Variants in MAOA observed in about 807,000 individuals in gnomAD.
The protein encoded by MAOA is monoamine oxidase A.
Under a neutral mutation model 42.0 loss-of-function variants are expected in MAOA, and 6 were observed. The observed-to-expected ratio is 0.14, with a 90% CI of 0.08 to 0.28. The LOEUF is 0.28. Ranked by LOEUF, MAOA falls within the 10% of genes least tolerant of loss-of-function variation. MAOA has a pLI of 1.00. For missense variants in MAOA, 262 were observed against 422.3 expected (o/e 0.62, Z 3.33); for synonymous variants, 140 against 154.0 (o/e 0.91, Z 0.67).
intron 9 of MAOA, 54 bp downstream of exon 9, chrX:43,732,849 T>C (rs2033893247): frequency 3.8e-6 from 3 of 790,833 alleles, no homozygotes; most frequent in Non-Finnish European, 5.9e-6. Flanking sequence ...TGTATTGGTG[T>C]GGATGCTGTC....
intron 1 of MAOA, among the ~76,000 whole-genome samples, chrX:43,671,271 C>G (rs2033331527): frequency 9.6e-6 from 1 of 104,446 alleles, no homozygotes; most frequent in East Asian, 3.1e-4. Context: ...TGTCCTTCAC[C>G]CACTTTTTGA....
intron 1 of MAOA, among the ~76,000 whole-genome samples, chrX:43,674,638 C>T (rs1377768134): frequency 9.0e-6 from 1 of 111,047 alleles, no homozygotes; most frequent in Non-Finnish European, 1.9e-5. Flanking sequence ...TTAGGGCAGG[C>T]CTGGTGGTGA....
intron 6 of MAOA, among the ~76,000 whole-genome samples, chrX:43,730,837 C>T (rs2147102665): frequency 9.0e-6 from 1 of 110,988 alleles, no homozygotes; most frequent in South Asian, 3.9e-4. Flanking sequence ...GCCCAGAACA[C>T]AGGAATCAAA....
intron 1 of MAOA, among the ~76,000 whole-genome samples, chrX:43,659,954 G>T (rs1266274187): frequency 4.5e-5 from 5 of 110,905 alleles, no homozygotes; most frequent in Non-Finnish European, 1.9e-5. Context: ...TAAGGGATAC[G>T]ACTGCAATTT....
intron 2 of MAOA, among the ~76,000 whole-genome samples, chrX:43,685,525 G>A (rs996015861): frequency 9.0e-6 from 1 of 111,699 alleles, no homozygotes; most frequent in Non-Finnish European, 1.9e-5. Flanking sequence ...TCATAGCAGC[G>A]ATTTCAGCCA....
intron 10 of MAOA, among the ~76,000 whole-genome samples, chrX:43,738,437 C>T (rs2033936724): frequency 8.9e-6 from 1 of 111,992 alleles, no homozygotes; most frequent in African/African-American, 3.2e-5. Context: ...TTGTTTTTAA[C>T]ATTCATGAAT....
chrX:43,699,825 G>A (rs779616591), intron 3 of MAOA, among the ~76,000 whole-genome samples: 1 of 111,667 alleles, frequency 9.0e-6, no homozygotes, highest in African/African-American at 3.3e-5. Flanking sequence ...AGAAAGCAGA[G>A]TTTGTCTTAA....
At chrX:43,708,667 T>G (rs2033676201) in intron 3 of MAOA, among the ~76,000 whole-genome samples, 1 of 108,625 alleles carries the variant, frequency 9.2e-6, no homozygotes, top group South Asian at 4.0e-4. Flanking sequence ...TTGTTGTTTT[T>G]TTTTTTTTTT....
rs2033996872 is a variant in MAOA, at chrX:43,746,056, C to A, written c.*1543C>A. 1 of 111,668 alleles carries A rather than the reference C, an allele frequency of 9.0e-6. No homozygotes were observed. Among genetic ancestry groups the A allele is most frequent in the Non-Finnish European group, 1.9e-5 (1 of 53,185 alleles). 9.2% of individuals were successfully genotyped at this position (111,668 alleles called of 1,213,427 possible). A position where few individuals can be genotyped will look rare whatever the true frequency, so the allele number is the denominator to read the frequency against. On this transcript the variant is annotated 3_prime_UTR_variant, in exon 15 of 15. Coordinates refer to ENST00000338702, the MANE Select transcript of MAOA (RefSeq NM_000240.4). ...GTTTTGAGAATGTATTGGATACGCT[C>A]CAGTACATAAGGAGTTGCCGCATAT... is the stretch of plus-strand genomic sequence containing the variant.
rs1447127507 is a variant in MAOA, at chrX:43,674,843, T to A, written c.74-8670T>A. Among the ~76,000 whole-genome samples, 908 of 108,148 alleles carry A rather than the reference T, an allele frequency of 8.4e-3. 14 individuals carry two copies. Among genetic ancestry groups the A allele is most frequent in the African/African-American group, 0.028 (830 of 29,779 alleles). The allele number at this position is 108,148 out of a possible 115,157, so 93.9% of individuals were successfully genotyped here. Reference sequence around the variant, plus strand: ...TGTTAGTCTGATGGGCTTCCCTTTGTGGGTAACCCGACCTTTCTCTCTGGC... The same window carrying A: ...TGTTAGTCTGATGGGCTTCCCTTTGAGGGTAACCCGACCTTTCTCTCTGGC... On this transcript the variant is annotated intron_variant, in intron 1 of 14. Coordinates refer to ENST00000338702, the MANE Select transcript of MAOA (RefSeq NM_000240.4).
chrX:43,719,441 G>T (rs60799720), intron 5 of MAOA, among the ~76,000 whole-genome samples: 1 of 109,624 alleles, frequency 9.1e-6, no homozygotes, highest in Non-Finnish European at 1.9e-5. Flanking sequence ...TTAGAGGTCC[G>T]GGGGATACCG....
Position 43,693,444 on chromosome X carries a change from C to A in MAOA, c.306+16C>A, listed in dbSNP as rs148788403. 2,396 of 1,205,089 alleles carry A rather than the reference C, an allele frequency of 2.0e-3. 33 individuals are homozygous for A. The African/African-American group carries it at 0.034, about 17-fold the overall frequency. ...ATATGTCAAGGTAAGGCTGACTTTT[C>A]ACCCAAGTGACTGATAGGGAAGCAT... On this transcript the variant is annotated intron_variant, in intron 3 of 14. Coordinates refer to ENST00000338702, the MANE Select transcript of MAOA (RefSeq NM_000240.4).
At chrX:43,672,634 T>C (rs1397275063) in intron 1 of MAOA, among the ~76,000 whole-genome samples, 1 of 112,005 alleles carries the variant, frequency 8.9e-6, no homozygotes, top group Non-Finnish European at 1.9e-5. Flanking sequence ...ACCTAATTTA[T>C]TGAGAGTTTT....
intron 2 of MAOA, among the ~76,000 whole-genome samples, chrX:43,692,682 A>G (rs993280103): frequency 9.0e-6 from 1 of 111,499 alleles, no homozygotes; most frequent in African/African-American, 3.3e-5. Flanking sequence ...AATCATTGGA[A>G]CTTTCCAATT....
At chrX:43,732,550 G>A in intron 8 of MAOA, 149 bp from the exon 9 acceptor site, 1 of 412,448 alleles carries the variant, frequency 2.4e-6, no homozygotes, top group South Asian at 3.1e-5. Flanking sequence ...TTCAGTGTGT[G>A]TATTTAACAA....
chrX:43,664,801 C>G (rs1251747369), intron 1 of MAOA, among the ~76,000 whole-genome samples: 2 of 111,352 alleles, frequency 1.8e-5, no homozygotes, highest in Non-Finnish European at 3.8e-5. Context: ...AAATAAAATG[C>G]CTCTTCGAAA....
At chrX:43,659,365 A>C (rs1429200153) in intron 1 of MAOA, among the ~76,000 whole-genome samples, 1 of 111,455 alleles carries the variant, frequency 9.0e-6, no homozygotes, top group Admixed American at 9.6e-5. Context: ...CTGGTCCTTA[A>C]CCATCATTCA....
chrX:43,744,619 T>A lies in MAOA; in HGVS notation c.*106T>A. Reference sequence around the variant, plus strand: ...TTGGGCCATGTTTAAGTGTACTGGATTTAACTACCTTTGGCTTAATTCCAA... The same window carrying A: ...TTGGGCCATGTTTAAGTGTACTGGAATTAACTACCTTTGGCTTAATTCCAA... On this transcript the variant is annotated 3_prime_UTR_variant, in exon 15 of 15. Coordinates refer to ENST00000338702, the MANE Select transcript of MAOA (RefSeq NM_000240.4). The A allele has an allele frequency of 1.1e-6, 1 of 871,877 alleles. No individual in the cohort carries two copies. The highest frequency in any genetic ancestry group is 1.7e-6 in the Non-Finnish European group (1 of 594,208). The allele number at this position is 871,877 out of a possible 1,213,427, so 71.9% of individuals were successfully genotyped here. A position where few individuals can be genotyped will look rare whatever the true frequency, so the allele number is the denominator to read the frequency against.
At position 43,744,232 on chromosome X, in the gene MAOA, C is replaced by T; in HGVS notation, c.1437+61C>T. On this transcript the variant is annotated intron_variant, in intron 14 of 14. Coordinates refer to ENST00000338702, the MANE Select transcript of MAOA (RefSeq NM_000240.4). Reference sequence around the variant, plus strand: ...GACCAATCATGGAACATAAAACTCACATCTCCCTTCTTCTAGCCTCCGATT... The same window carrying T: ...GACCAATCATGGAACATAAAACTCATATCTCCCTTCTTCTAGCCTCCGATT... The T allele has an allele frequency of 7.1e-6, 8 of 1,131,452 alleles. No individual in the cohort carries two copies. The South Asian group carries it at 7.3e-5, about 10-fold the overall frequency. 93.2% of individuals were successfully genotyped at this position (1,131,452 alleles called of 1,213,427 possible).
Sources: gnomAD v4.1 joint callset for allele counts (sites outside exome capture counted in the v4.1 genomes callset) on GRCh38, gnomAD v4.1.1 for gene constraint, MANE v1.5 for transcripts, NCBI Gene and HGNC (gene_info 2026-07-23, HGNC 2026-07-21) for gene names.